Variants in YWHAB observed in about 807,000 individuals in gnomAD.
YWHAB encodes 14-3-3 protein beta/alpha.
YWHAB carries 2 observed loss-of-function variants against 28.5 expected under a neutral mutation model. The ratio of observed to expected loss-of-function variants is 0.07; its 90% CI spans 0.03 to 0.22. YWHAB has a LOEUF of 0.22. Ranked by LOEUF, YWHAB falls within the 10% of genes least tolerant of loss-of-function variation. The probability of loss-of-function intolerance (pLI) is 1.00; values close to 1 mark genes in which losing one functional copy is unlikely to be tolerated. For synonymous variants in YWHAB, 103 were observed against 104.7 expected (o/e 0.98, Z 0.10); for missense variants, 148 against 297.1 (o/e 0.50, Z 3.69).
At chr20:44,893,750 G>A (rs960160846) in intron 1 of YWHAB, among the ~76,000 whole-genome samples, 108 of 142,622 alleles carry the variant, frequency 7.6e-4, no homozygotes, top group Non-Finnish European at 1.1e-3. Context: ...CCAGGCTGGA[G>A]TGTAGTGGCG....
At chr20:44,886,585 ACAGTATTTACCGTCATTTAATGC>A (rs1198148499) in intron 1 of YWHAB, 1 of 152,166 alleles carries the variant, frequency 6.6e-6, no homozygotes, top group Non-Finnish European at 1.5e-5. Context: ...GTATTTTCTC[ACAGTATTTACCGTCATTTAATGC>A]CAGATTCTTT....
intron 1 of YWHAB, among the ~76,000 whole-genome samples, chr20:44,900,298 C>T (rs374810745): frequency 1.3e-5 from 2 of 152,236 alleles, no homozygotes; most frequent in African/African-American, 4.8e-5. Context: ...GGATCCTAGG[C>T]GTGAGTCACC....
At chr20:44,904,327 T>C (rs756292172) in intron 3 of YWHAB, among the ~76,000 whole-genome samples, 3 of 152,202 alleles carry the variant, frequency 2.0e-5, no homozygotes, top group Non-Finnish European at 4.4e-5. Flanking sequence ...ACAAACCTGG[T>C]GCGCAGTGTA....
intron 2 of YWHAB, chr20:44,903,075 TA>T (rs2066636556): frequency 5.1e-6 from 5 of 986,524 alleles, no homozygotes; most frequent in Non-Finnish European, 6.0e-6. Context: ...TCTTCGAAAA[TA>T]TTGCTCTGTA....
intron 3 of YWHAB, 105 bp from the exon 4 acceptor site, chr20:44,904,863 T>C: frequency 1.7e-6 from 2 of 1,160,480 alleles, no homozygotes; most frequent in South Asian, 3.8e-5. Context: ...TGATAGGTCA[T>C]TGCTCCTGCC....
intron 1 of YWHAB, among the ~76,000 whole-genome samples, chr20:44,898,451 C>T (rs1159947422): frequency 6.6e-6 from 1 of 151,904 alleles, no homozygotes; most frequent in Non-Finnish European, 1.5e-5. Context: ...CTTGAAAATA[C>T]AGAAATGACT....
intron 5 of YWHAB, 55 bp downstream of exon 5, chr20:44,906,151 A>G (rs1417391973): frequency 1.4e-6 from 2 of 1,383,780 alleles, no homozygotes; most frequent in East Asian, 4.6e-5. Flanking sequence ...CTACTTAATA[A>G]TTCACTGTTA....
At chr20:44,889,213 G>A (rs1204563261) in intron 1 of YWHAB, among the ~76,000 whole-genome samples, 1 of 152,196 alleles carries the variant, frequency 6.6e-6, no homozygotes, top group Non-Finnish European at 1.5e-5. Flanking sequence ...GCAGTCATCT[G>A]TATTGCATGA....
chr20:44,893,231 C>T (rs959668812), intron 1 of YWHAB, among the ~76,000 whole-genome samples: 1 of 152,102 alleles, frequency 6.6e-6, no homozygotes, highest in Non-Finnish European at 1.5e-5. Context: ...GATAGAGGGG[C>T]TAGGCTGTTT....
chr20:44,901,115 G>A (rs1194237127), intron 1 of YWHAB, among the ~76,000 whole-genome samples: 1 of 152,190 alleles, frequency 6.6e-6, no homozygotes, highest in East Asian at 1.9e-4. Context: ...TAAGCAGTCT[G>A]TATGTGCCAG....
At position 44,907,853 on chromosome 20, in the gene YWHAB, AAG is replaced by A. The variant is rs1335410124; in HGVS notation, c.*1416_*1417del. ...AGTCATACCGGAATCTGAATCAAAA[AAG>A]TATTTTTAAATATCCATGATTTCTC... On this transcript the variant is annotated 3_prime_UTR_variant, in exon 6 of 6. Transcript: ENST00000353703. 1 of 152,224 alleles carries A rather than the reference AAG, an allele frequency of 6.6e-6. No individual in the cohort carries two copies. The highest frequency in any genetic ancestry group is 1.5e-5 in the Non-Finnish European group (1 of 68,042). 9.4% of individuals were successfully genotyped at this position (152,224 alleles called of 1,614,324 possible).
Position 44,906,630 on chromosome 20 carries a change from A to C in YWHAB, c.*192A>C. The C allele has an allele frequency of 4.8e-6, 2 of 419,058 alleles. No homozygotes were observed. The highest frequency in any genetic ancestry group is 7.5e-5 in the Admixed American group (2 of 26,828). 26.0% of individuals were successfully genotyped at this position (419,058 alleles called of 1,614,324 possible). On this transcript the variant is annotated 3_prime_UTR_variant, in exon 6 of 6. Transcript: ENST00000353703. ...TGTATCTAAAACTCAGATTGGTCAC[A>C]TAAATGCCACGGCATTCCGAAGTTT...
In YWHAB at chr20:44,885,752, A is replaced by AGGC. The variant is rs2066521483; in HGVS notation, c.-137_-136insGCG. 6.1e-6 allele frequency: 1 copy of AGGC among 162,946 alleles called. No homozygotes were observed. Among genetic ancestry groups the AGGC allele is most frequent in the Non-Finnish European group, 1.2e-5 (1 of 82,824 alleles). The allele number at this position is 162,946 out of a possible 1,614,324, so 10.1% of individuals were successfully genotyped here. A position where few individuals can be genotyped will look rare whatever the true frequency, so the allele number is the denominator to read the frequency against. ...CCGCCGCCGATTCCGGAGCCGGGGTAGTCGCCGCCGCCGCCGCCGCTGCAG... is the reference window on the plus strand; with the variant it reads ...CCGCCGCCGATTCCGGAGCCGGGGTAGGCGTCGCCGCCGCCGCCGCCGCTGCAG... On this transcript the variant is annotated 5_prime_UTR_variant, in exon 1 of 6. Coordinates refer to ENST00000353703, the MANE Select transcript of YWHAB (RefSeq NM_139323.4).
chr20:44,897,972 A>G (rs1490805396), intron 1 of YWHAB, among the ~76,000 whole-genome samples: 1 of 152,214 alleles, frequency 6.6e-6, no homozygotes, highest in Non-Finnish European at 1.5e-5. Flanking sequence ...TGTACCACCT[A>G]GAATACATGG....
At chr20:44,902,013 C>T (rs769725593) in intron 2 of YWHAB, 180 bp downstream of exon 2, 5 of 588,634 alleles carry the variant, frequency 8.5e-6, no homozygotes, top group Non-Finnish European at 1.4e-5. Flanking sequence ...ATTGCCTGAT[C>T]AGAGGTTGTA....
intron 1 of YWHAB, among the ~76,000 whole-genome samples, chr20:44,900,454 T>C (rs1321761027): frequency 1.3e-5 from 2 of 152,226 alleles, no homozygotes; most frequent in African/African-American, 4.8e-5. Context: ...TAGTTTATGT[T>C]CTTCCTGTGC....
chr20:44,890,789 G>A (rs1393514831), intron 1 of YWHAB, among the ~76,000 whole-genome samples: 2 of 152,066 alleles, frequency 1.3e-5, no homozygotes, highest in Admixed American at 6.5e-5. Flanking sequence ...GATTACAGGC[G>A]TGAGCCACCA....
intron 1 of YWHAB, chr20:44,887,152 A>G (rs2066533424): frequency 6.6e-6 from 1 of 152,132 alleles, no homozygotes; most frequent in African/African-American, 2.4e-5. Context: ...CTTCCAGTGT[A>G]CCCTATTTCT....
intron 4 of YWHAB, 96 bp downstream of exon 4, chr20:44,905,227 T>C (rs759453259): frequency 3.0e-6 from 4 of 1,330,054 alleles, no homozygotes; most frequent in Non-Finnish European, 4.1e-6. Flanking sequence ...TCTTGGACTT[T>C]TTTTGAAAGA....
Sources: allele counts gnomAD v4.1 joint callset (sites outside exome capture counted in the v4.1 genomes callset), GRCh38; gene constraint gnomAD v4.1.1; transcripts MANE v1.5; gene names NCBI Gene and HGNC (gene_info 2026-07-23, HGNC 2026-07-21).